The following RBMS3 variants were observed in gnomAD, a reference collection of about 807,000 sequenced individuals.
RBMS3 encodes the protein RNA binding motif single stranded interacting protein 3.
In RBMS3, 27 loss-of-function variants were observed where a neutral mutation model predicts 66.8. The ratio of observed to expected loss-of-function variants is 0.40; its 90% CI spans 0.30 to 0.56. The LOEUF (loss-of-function observed/expected upper bound fraction) is 0.56. Among genes scored for constraint, RBMS3 ranks in the 20% least tolerant of loss-of-function variants. The pLI is 0.40. For missense variants in RBMS3, 513 were observed against 549.5 expected (o/e 0.93, Z 0.66); for synonymous variants, 188 against 183.0 (o/e 1.03, Z -0.22).
At chr3:29,333,613 A>T (rs1433543308) in intron 1 of RBMS3, among the ~76,000 whole-genome samples, 1 of 152,162 alleles carries the variant, frequency 6.6e-6, no homozygotes, top group Non-Finnish European at 1.5e-5. Flanking sequence ...TTCTCAGTTA[A>T]CAACTTCCCT....
intron 6 of RBMS3, among the ~76,000 whole-genome samples, chr3:29,866,107 T>A (rs992213336): frequency 7.1e-6 from 1 of 140,802 alleles, no homozygotes; most frequent in African/African-American, 2.8e-5. Context: ...AAATTCCTCT[T>A]CTTGGATAAC....
chr3:29,946,703 CTGAGAGTGAG>C (rs1695337828), intron 12 of RBMS3, among the ~76,000 whole-genome samples: 1 of 151,522 alleles, frequency 6.6e-6, no homozygotes, highest in Non-Finnish European at 1.5e-5. Context: ...ACATCATCTT[CTGAGAGTGAG>C]TGAGAGAAGG....
At chr3:29,324,735 T>G (rs1435455207) in intron 1 of RBMS3, among the ~76,000 whole-genome samples, 1 of 152,092 alleles carries the variant, frequency 6.6e-6, no homozygotes, top group Non-Finnish European at 1.5e-5. Flanking sequence ...GAGCTTTCTC[T>G]CCTAATTCTT....
chr3:29,991,160 G>A lies in RBMS3; in HGVS notation c.1258G>A (p.Val420Met). Reference sequence around the variant, plus strand: ...CAGTGGTCAGCAGCAACAGATAGCAGTGGACACATCCAACGAACATGCACC... The same window carrying A: ...CAGTGGTCAGCAGCAACAGATAGCAATGGACACATCCAACGAACATGCACC... ...DTSGQQQQIAVDTSNEHAPAY... is the reference protein window; with the variant it reads ...DTSGQQQQIAMDTSNEHAPAY... The change falls in exon 14 of 15, where the codon GTG (valine) becomes ATG (methionine). Residue 420 changes from valine (V) to methionine (M), a missense_variant. Physicochemically the swap from Val to Met is conservative, Grantham distance 21 (BLOSUM62 1). Coordinates refer to ENST00000383767, the MANE Select transcript of RBMS3 (RefSeq NM_001003793.3). 1 of 1,614,178 alleles carries A rather than the reference G, an allele frequency of 6.2e-7. No homozygotes were observed. The highest frequency in any genetic ancestry group is 8.5e-7 in the Non-Finnish European group (1 of 1,180,030).
At chr3:29,558,619 G>T (rs1194699466) in intron 3 of RBMS3, among the ~76,000 whole-genome samples, 2 of 152,154 alleles carry the variant, frequency 1.3e-5, no homozygotes, top group African/African-American at 4.8e-5. Context: ...GCCCAGCATT[G>T]TGTTGGGTAC....
chr3:29,878,724 C>G (rs1219141817), intron 7 of RBMS3, among the ~76,000 whole-genome samples: 1 of 152,062 alleles, frequency 6.6e-6, no homozygotes, highest in Non-Finnish European at 1.5e-5. Context: ...AAAGGATCCC[C>G]TCACCCCACA....
At chr3:29,434,140 C>T (rs1213616717) in intron 1 of RBMS3, among the ~76,000 whole-genome samples, 1 of 152,196 alleles carries the variant, frequency 6.6e-6, no homozygotes, top group Non-Finnish European at 1.5e-5. Flanking sequence ...GTAGCTCCAT[C>T]TTGCAAACAA....
Position 29,344,434 on chromosome 3 carries a change from T to C in RBMS3, c.75+62678T>C, listed in dbSNP as rs2036457068. On this transcript the variant is annotated intron_variant, in intron 1 of 14. Coordinates refer to ENST00000383767, the MANE Select transcript of RBMS3 (RefSeq NM_001003793.3). ...TTCTCTTAACAAAACAAGGGCAAAT[T>C]GAAATTGTCCTTGGTTCTGCTTCAG... Among the ~76,000 whole-genome samples the C allele has an allele frequency of 2.6e-5, 4 of 152,168 alleles. No individual in the cohort carries two copies. The South Asian group carries it at 8.3e-4, about 31-fold the overall frequency.
chr3:29,436,001 A>C (rs58551796), intron 2 of RBMS3, among the ~76,000 whole-genome samples: 2,959 of 151,688 alleles, frequency 0.02, 98 homozygotes, highest in African/African-American at 0.068. Context: ...CGAATCGTAG[A>C]CCTGTATTTT....
chr3:29,496,195 CAAA>C (rs60639896), intron 3 of RBMS3, among the ~76,000 whole-genome samples: 41,894 of 110,208 alleles, frequency 0.38, 5,588 homozygotes, highest in East Asian at 0.49. Flanking sequence ...CCGCCCACAT[CAAA>C]AAAAAAAAAA....
chr3:29,785,731 A>G (rs1482798095), intron 6 of RBMS3, among the ~76,000 whole-genome samples: 8 of 152,130 alleles, frequency 5.3e-5, no homozygotes, highest in Non-Finnish European at 1.0e-4. Context: ...CCCACAGCCA[A>G]CATTATACTG....
rs549079218 is a variant in RBMS3 at position 29,888,862 on chromosome 3, A to G, written c.791+4654A>G. Reference sequence around the variant, plus strand: ...GATGTGCAATCTGTATCCGATGTATATCTTCAACCTAGCCCTTCCTCCGTG... The same window carrying G: ...GATGTGCAATCTGTATCCGATGTATGTCTTCAACCTAGCCCTTCCTCCGTG... On this transcript the variant is annotated intron_variant, in intron 8 of 14. Transcript: ENST00000383767. Among the ~76,000 whole-genome samples, 3 of 151,866 alleles carry G rather than the reference A, an allele frequency of 2.0e-5. No individual in the cohort carries two copies. The South Asian group carries it at 6.2e-4, about 31-fold the overall frequency.
intron 6 of RBMS3, among the ~76,000 whole-genome samples, chr3:29,818,161 A>G (rs2057968823): frequency 6.6e-6 from 1 of 152,154 alleles, no homozygotes; most frequent in South Asian, 2.1e-4. Flanking sequence ...AAGCTTATTT[A>G]ATATTCAAAT....
At chr3:29,887,832 C>A (rs555233298) in intron 8 of RBMS3, among the ~76,000 whole-genome samples, 5 of 151,682 alleles carry the variant, frequency 3.3e-5, no homozygotes, top group Admixed American at 2.0e-4. Context: ...TTCTCTAATG[C>A]GCAATTTAAA....
At chr3:29,469,246 T>C (rs1308979862) in intron 2 of RBMS3, among the ~76,000 whole-genome samples, 1 of 152,140 alleles carries the variant, frequency 6.6e-6, no homozygotes, top group Non-Finnish European at 1.5e-5. Flanking sequence ...TTCTGCATCA[T>C]TAAACATTGG....
intron 2 of RBMS3, among the ~76,000 whole-genome samples, chr3:29,464,926 C>G (rs1365486763): frequency 6.6e-6 from 1 of 152,144 alleles, no homozygotes; most frequent in South Asian, 2.1e-4. Context: ...TGTCTGTGAA[C>G]CTGAATTCAC....
At chr3:29,928,267 T>C (rs2061005551) in intron 10 of RBMS3, among the ~76,000 whole-genome samples, 1 of 148,684 alleles carries the variant, frequency 6.7e-6, no homozygotes, top group African/African-American at 2.5e-5. Context: ...CATATACATA[T>C]TGTTTTTAAG....
chr3:29,882,828 T>A (rs1252086950), intron 7 of RBMS3, among the ~76,000 whole-genome samples: 1 of 152,094 alleles, frequency 6.6e-6, no homozygotes, highest in Non-Finnish European at 1.5e-5. Context: ...TTCTTTAAAA[T>A]GTCTATGGTT....
At position 29,708,910 on chromosome 3, in the gene RBMS3, G is replaced by A. The variant is rs534702795; in HGVS notation, c.400-30810G>A. 1.4e-3 allele frequency among the ~76,000 whole-genome samples: 206 copies of A among 152,298 alleles called. 1 individual carries two copies. Among genetic ancestry groups the A allele is most frequent in the Non-Finnish European group, 2.5e-3 (169 of 68,024 alleles). On this transcript the variant is annotated intron_variant, in intron 4 of 14. Transcript: ENST00000383767. ...CCCTAAGGGAATTTTCTGAGTTGCA[G>A]GAAGCTAGTTGACCCAAGGTCACGC...
Sources: allele counts gnomAD v4.1 joint callset (sites outside exome capture counted in the v4.1 genomes callset), GRCh38; gene constraint gnomAD v4.1.1; transcripts MANE v1.5; gene names NCBI Gene and HGNC (gene_info 2026-07-23, HGNC 2026-07-21).